The following GAREM1 variants were observed in gnomAD, a reference collection of about 807,000 sequenced individuals.
GAREM1 encodes the protein GRB2-associated and regulator of MAPK protein 1.
Under a neutral mutation model 71.3 loss-of-function variants are expected in GAREM1, and 26 were observed. The ratio of observed to expected loss-of-function variants is 0.36; its 90% confidence interval spans 0.27 to 0.51. The LOEUF (loss-of-function observed/expected upper bound fraction) is 0.51, where lower values mean the gene tolerates loss of function less well. GAREM1 is among the 20% of genes least tolerant of loss of function. The pLI is 0.95. For missense variants in GAREM1, 1,026 were observed against 1,103.1 expected, an observed-to-expected ratio of 0.93 and a Z score of 0.99; for synonymous variants, 440 against 433.2, an observed-to-expected ratio of 1.02 and a Z score of -0.20.
chr18:32,267,515 TA>T lies in GAREM1; in HGVS notation c.*355del, dbSNP rs952530974. On this transcript the variant is annotated 3_prime_UTR_variant, in exon 6 of 6. Coordinates refer to ENST00000269209, the MANE Select transcript of GAREM1 (RefSeq NM_001242409.2). ...TTCAAAAGTGTTTTTTTTTTTTTTT[TA>T]AAGATTTTTATGTCTTCCAGCTTTG... 1 of 155,166 alleles carries T rather than the reference TA, an allele frequency of 6.4e-6. No homozygotes were observed. Among genetic ancestry groups the T allele is most frequent in the Non-Finnish European group, 1.4e-5 (1 of 71,926 alleles). 9.6% of individuals were successfully genotyped at this position (155,166 alleles called of 1,614,324 possible).
In GAREM1 at chr18:32,266,226, G is replaced by C. The variant is rs1313101243; in HGVS notation, c.*1645C>G. On this transcript the variant is annotated 3_prime_UTR_variant, in exon 6 of 6. Transcript: ENST00000269209. ...GGATTAAAAATATCTTTCTTCTAAT[G>C]CCAAGAAATAAAGACACATTTCACA... 6.6e-6 allele frequency: 1 copy of C among 152,000 alleles called. No homozygotes were observed. The highest frequency in any genetic ancestry group is 1.5e-5 in the Non-Finnish European group (1 of 68,002). 9.4% of individuals were successfully genotyped at this position (152,000 alleles called of 1,614,324 possible).
At chr18:32,414,591 G>A (rs1379740904) in intron 1 of GAREM1, among the ~76,000 whole-genome samples, 1 of 151,788 alleles carries the variant, frequency 6.6e-6, no homozygotes, top group Non-Finnish European at 1.5e-5. Flanking sequence ...TAAACACATG[G>A]AAATGAAACA....
At chr18:32,459,245 T>C (rs1479250269) in intron 1 of GAREM1, among the ~76,000 whole-genome samples, 2 of 152,266 alleles carry the variant, frequency 1.3e-5, no homozygotes, top group South Asian at 2.1e-4. Context: ...TATACAATAT[T>C]ATCAGTCCTG....
chr18:32,449,874 T>C (rs1437166943), intron 1 of GAREM1, among the ~76,000 whole-genome samples: 1 of 152,190 alleles, frequency 6.6e-6, no homozygotes, highest in Non-Finnish European at 1.5e-5. Flanking sequence ...GAGTCTATTT[T>C]GGGTAATCAC....
At chr18:32,342,694 C>T (rs768252564) in intron 2 of GAREM1, among the ~76,000 whole-genome samples, 1 of 152,158 alleles carries the variant, frequency 6.6e-6, no homozygotes, top group Non-Finnish European at 1.5e-5. Flanking sequence ...TGTTTGGAAT[C>T]CCCAACCCCT....
At chr18:32,296,731 G>C (rs2047144378) in intron 3 of GAREM1, among the ~76,000 whole-genome samples, 1 of 146,422 alleles carries the variant, frequency 6.8e-6, no homozygotes, top group Admixed American at 6.8e-5. Context: ...TTAAGAGACT[G>C]GGTCTTGCTA....
At chr18:32,381,427 T>C (rs1415578126) in intron 2 of GAREM1, among the ~76,000 whole-genome samples, 1 of 152,248 alleles carries the variant, frequency 6.6e-6, no homozygotes, top group Admixed American at 6.5e-5. Context: ...AAGGTTAATT[T>C]TAAAAAATGT....
chr18:32,330,886 T>A (rs944775807), intron 2 of GAREM1, among the ~76,000 whole-genome samples: 1 of 152,176 alleles, frequency 6.6e-6, no homozygotes, highest in Non-Finnish European at 1.5e-5. Context: ...AGCCAAGCAC[T>A]GCATTTGATA....
intron 2 of GAREM1, among the ~76,000 whole-genome samples, chr18:32,358,405 G>C (rs1270290056): frequency 6.6e-6 from 1 of 151,744 alleles, no homozygotes; most frequent in African/African-American, 2.4e-5. Context: ...CATTCACCGG[G>C]GTCTCCTCAC....
intron 2 of GAREM1, among the ~76,000 whole-genome samples, chr18:32,323,156 T>C (rs915772735): frequency 6.6e-6 from 1 of 152,196 alleles, no homozygotes; most frequent in Admixed American, 6.6e-5. Context: ...TGGTTTTTAA[T>C]AGTTGGCTCA....
intron 2 of GAREM1, among the ~76,000 whole-genome samples, chr18:32,342,344 A>T (rs987388743): frequency 6.6e-6 from 1 of 152,100 alleles, no homozygotes; most frequent in African/African-American, 2.4e-5. Context: ...GGCTAGTCTC[A>T]TCCTCCACGC....
At chr18:32,443,169 A>G (rs187863098) in intron 1 of GAREM1, among the ~76,000 whole-genome samples, 11 of 152,292 alleles carry the variant, frequency 7.2e-5, no homozygotes, top group Admixed American at 7.2e-4. Context: ...ACCCAAATGT[A>G]TGAGTTAAAA....
intron 2 of GAREM1, among the ~76,000 whole-genome samples, chr18:32,329,242 G>T (rs942285195): frequency 6.6e-6 from 1 of 152,074 alleles, no homozygotes; most frequent in Non-Finnish European, 1.5e-5. Context: ...CAAGTGTAGT[G>T]GCAAGTGTCT....
intron 4 of GAREM1, among the ~76,000 whole-genome samples, chr18:32,280,316 C>A (rs563837969): frequency 9.5e-4 from 144 of 152,318 alleles, no homozygotes; most frequent in African/African-American, 3.4e-3. Flanking sequence ...CTTGGGCAGT[C>A]ACGTGAGGCC....
At chr18:32,448,166 G>C (rs988903006) in intron 1 of GAREM1, among the ~76,000 whole-genome samples, 1 of 152,182 alleles carries the variant, frequency 6.6e-6, no homozygotes, top group African/African-American at 2.4e-5. Context: ...CAGGGTCTGA[G>C]TCCTTGGCTT....
rs560259927 is a variant in GAREM1, at chr18:32,463,167, G to A, written c.121+7141C>T. On this transcript the variant is annotated intron_variant, in intron 1 of 5. Transcript: ENST00000269209. ...TCATTGCATAATGTGTACATATACT[G>A]AAATGCCACATTGTACTCCATAAAT... 2.0e-5 allele frequency among the ~76,000 whole-genome samples: 3 copies of A among 152,124 alleles called. No individual in the cohort carries two copies. The South Asian group carries it at 6.2e-4, about 32-fold the overall frequency.
At chr18:32,307,188 T>C (rs536596241) in intron 3 of GAREM1, among the ~76,000 whole-genome samples, 1 of 152,298 alleles carries the variant, frequency 6.6e-6, no homozygotes, top group African/African-American at 2.4e-5. Flanking sequence ...TAAATAAATA[T>C]ATCAGGATAC....
intron 2 of GAREM1, among the ~76,000 whole-genome samples, chr18:32,318,520 G>A (rs184133628): frequency 9.2e-5 from 14 of 152,282 alleles, no homozygotes; most frequent in Admixed American, 7.2e-4. Context: ...GAGATATGAA[G>A]AAATAAAAGG....
chr18:32,320,311 C>T (rs554265246), intron 2 of GAREM1, among the ~76,000 whole-genome samples: 1 of 151,964 alleles, frequency 6.6e-6, no homozygotes, highest in African/African-American at 2.4e-5. Flanking sequence ...TTTCTTATTC[C>T]CAATCTTTGA....
Sources: allele counts gnomAD v4.1 joint callset (sites outside exome capture counted in the v4.1 genomes callset), GRCh38; gene constraint gnomAD v4.1.1; transcripts MANE v1.5; gene names NCBI Gene and HGNC (gene_info 2026-07-23, HGNC 2026-07-21).